Variants in PCDH15 observed in about 807,000 individuals in gnomAD.
PCDH15 encodes the protein protocadherin related 15, also known as protocadherin-15.
A neutral mutation model predicts 178.5 loss-of-function variants in PCDH15; 129 were observed. That is an observed-to-expected ratio of 0.72 (90% CI 0.63 to 0.84). The LOEUF (loss-of-function observed/expected upper bound fraction) is 0.84. Ranked by LOEUF, PCDH15 falls within the 40% of genes least tolerant of loss-of-function variation. The pLI is 0.00. For missense variants in PCDH15, 2,230 were observed against 2,099.9 expected (o/e 1.06, Z -1.21); for synonymous variants, 800 against 732.0 (o/e 1.09, Z -1.50).
At chr10:55,341,590 A>C (rs1005616206) in intron 2 of PCDH15, among the ~76,000 whole-genome samples, 46 of 132,450 alleles carry the variant, frequency 3.5e-4, no homozygotes, top group African/African-American at 1.3e-3. Context: ...TTTTTTTTTG[A>C]GACAGAGTCT....
chr10:54,965,526 A>G (rs1476757549), intron 2 of PCDH15, among the ~76,000 whole-genome samples: 1 of 151,866 alleles, frequency 6.6e-6, no homozygotes, highest in Admixed American at 6.6e-5. Flanking sequence ...AACTGTTTAT[A>G]AATTACTCAG....
chr10:54,129,147 T>C (rs568892766), intron 15 of PCDH15, among the ~76,000 whole-genome samples: 10 of 152,228 alleles, frequency 6.6e-5, no homozygotes, highest in African/African-American at 2.4e-4. Flanking sequence ...TTTGTTAGGG[T>C]CAGGTTAATG....
intron 1 of PCDH15, among the ~76,000 whole-genome samples, chr10:55,244,851 G>T (rs981401099): frequency 1.3e-5 from 2 of 151,386 alleles, no homozygotes; most frequent in African/African-American, 4.9e-5. Context: ...TCTGAAGAAA[G>T]TTAAATCACT....
intron 9 of PCDH15, among the ~76,000 whole-genome samples, chr10:54,227,662 C>T (rs758974736): frequency 3.3e-5 from 5 of 152,212 alleles, no homozygotes; most frequent in African/African-American, 4.8e-5. Flanking sequence ...ATTTTCTTTT[C>T]TATCAAATTA....
Position 54,015,360 on chromosome 10 carries a change from C to A in PCDH15, c.2751+4832G>T, listed in dbSNP as rs114700786. Among the ~76,000 whole-genome samples, 1,407 of 148,016 alleles carry A rather than the reference C, an allele frequency of 9.5e-3. 26 individuals are homozygous for A. The highest frequency in any genetic ancestry group is 0.033 in the African/African-American group (1,336 of 39,886). On this transcript the variant is annotated intron_variant, in intron 20 of 37. Transcript: ENST00000644397. The stretch of plus-strand genomic sequence containing the variant: ...ACAAAGTACAGATTCAATGCTATTC[C>A]TATTAAACTACCAAAGGCATTATTC...
At chr10:54,390,841 T>C (rs1950466129) in intron 3 of PCDH15, among the ~76,000 whole-genome samples, 1 of 152,132 alleles carries the variant, frequency 6.6e-6, no homozygotes, top group Non-Finnish European at 1.5e-5. Flanking sequence ...GTTCATGAAA[T>C]TGAGATATTC....
At chr10:54,162,239 C>A (rs1343299271) in intron 13 of PCDH15, among the ~76,000 whole-genome samples, 1 of 152,060 alleles carries the variant, frequency 6.6e-6, no homozygotes, top group Admixed American at 6.6e-5. Context: ...TTATTTGTTT[C>A]TTTCTTTCTC....
chr10:55,165,497 C>T (rs1191869384), intron 2 of PCDH15, among the ~76,000 whole-genome samples: 2 of 151,706 alleles, frequency 1.3e-5, no homozygotes, highest in Non-Finnish European at 2.9e-5. Context: ...AAAAACTCCA[C>T]AAATCCCCCT....
chr10:54,436,427 A>C (rs1398798438), intron 3 of PCDH15, among the ~76,000 whole-genome samples: 2 of 152,134 alleles, frequency 1.3e-5, no homozygotes, highest in African/African-American at 4.8e-5. Flanking sequence ...AAAATAAAAA[A>C]ATCTAAAAAA....
At chr10:54,210,627 G>A (rs898350828) in intron 10 of PCDH15, among the ~76,000 whole-genome samples, 2 of 151,996 alleles carry the variant, frequency 1.3e-5, no homozygotes, top group Non-Finnish European at 2.9e-5. Flanking sequence ...GAAGAGGGAG[G>A]AATGATTCAG....
intron 1 of PCDH15, among the ~76,000 whole-genome samples, chr10:55,257,942 T>C (rs1842044518): frequency 6.6e-6 from 1 of 152,078 alleles, no homozygotes; most frequent in African/African-American, 2.4e-5. Flanking sequence ...AAAGTTGAAA[T>C]GAAGGAAAAA....
chr10:54,746,116 C>A (rs1945429891), intron 1 of PCDH15, among the ~76,000 whole-genome samples: 1 of 152,116 alleles, frequency 6.6e-6, no homozygotes, highest in South Asian at 2.1e-4. Context: ...TCAAGCACAG[C>A]ACTATTCGCA....
intron 2 of PCDH15, among the ~76,000 whole-genome samples, chr10:54,661,883 C>T (rs1465100863): frequency 6.6e-6 from 1 of 151,904 alleles, no homozygotes; most frequent in African/African-American, 2.4e-5. Context: ...ACTCCTATCT[C>T]TCACCATATG....
chr10:54,157,055 G>A (rs73245442), intron 13 of PCDH15, among the ~76,000 whole-genome samples: 4,345 of 152,254 alleles, frequency 0.029, 213 homozygotes, highest in African/African-American at 0.1. Flanking sequence ...CTTTGTTTAT[G>A]GGCTGGCATT....
Position 55,334,308 on chromosome 10 carries a change from A to C in PCDH15, c.-155-167657T>G, listed in dbSNP as rs920056811. 4.1e-5 allele frequency among the ~76,000 whole-genome samples: 5 copies of C among 122,126 alleles called. 1 individual carries two copies. The highest frequency in any genetic ancestry group is 1.7e-4 in the African/African-American group (5 of 29,256). 80.1% of individuals were successfully genotyped at this position (122,126 alleles called of 152,430 possible). On this transcript the variant is annotated intron_variant, in intron 2 of 5. Transcript: ENST00000613346. ...TGTATGTGTATATATCTATATATAT[A>C]TATATATTTTTTTTTTGAGACAGAG... is the stretch of plus-strand genomic sequence containing the variant.
chr10:54,160,466 T>C (rs1200472521), intron 13 of PCDH15, among the ~76,000 whole-genome samples: 4 of 152,126 alleles, frequency 2.6e-5, no homozygotes, highest in Non-Finnish European at 4.4e-5. Flanking sequence ...CTATGAATAC[T>C]AGGAGAAGAT....
At chr10:54,109,943 T>A (rs545716545) in intron 15 of PCDH15, among the ~76,000 whole-genome samples, 1 of 152,240 alleles carries the variant, frequency 6.6e-6, no homozygotes, top group Non-Finnish European at 1.5e-5. Context: ...TATCAAAATA[T>A]CTCAATATCA....
intron 2 of PCDH15, among the ~76,000 whole-genome samples, chr10:54,972,957 A>G (rs1838975955): frequency 6.6e-6 from 1 of 151,652 alleles, no homozygotes; most frequent in African/African-American, 2.4e-5. Flanking sequence ...AATATTTAAT[A>G]ACAGTGATAA....
At chr10:53,902,976 A>C (rs2133660359) in intron 26 of PCDH15, among the ~76,000 whole-genome samples, 1 of 152,254 alleles carries the variant, frequency 6.6e-6, no homozygotes, top group South Asian at 2.1e-4. Context: ...CATTAAGAAA[A>C]GATATACATT....
Sources: gnomAD v4.1 joint callset for allele counts (sites outside exome capture counted in the v4.1 genomes callset) on GRCh38, gnomAD v4.1.1 for gene constraint, MANE v1.5 for transcripts, NCBI Gene and HGNC (gene_info 2026-07-23, HGNC 2026-07-21) for gene names.